The following SPMAP2 variants were observed in gnomAD, a reference collection of about 807,000 sequenced individuals.
The protein encoded by SPMAP2 is sperm microtubule associated protein 2, also known as Theg homolog.
chr19:364,501 C>T, the SPMAP2 span, among the ~76,000 whole-genome samples: 2 of 151,362 alleles, frequency 1.3e-5, no homozygotes, highest in East Asian at 1.9e-4. Flanking sequence ...AGCAACACAG[C>T]GAGACCCCAT....
At chr19:365,034 T>C in the SPMAP2 span, among the ~76,000 whole-genome samples, 89,403 of 152,080 alleles carry the variant, frequency 0.59, 26,817 homozygotes, top group African/African-American at 0.67. Context: ...GGGAAAAGAG[T>C]GTGGAGTCTC....
the SPMAP2 span, among the ~76,000 whole-genome samples, chr19:364,843 C>T: frequency 2.0e-4 from 30 of 152,082 alleles, no homozygotes; most frequent in Non-Finnish European, 4.0e-4. Flanking sequence ...AGGTGGCCAC[C>T]GAGTCTGGCA....
the SPMAP2 span, chr19:374,492 G>C: frequency 0.49 from 775,983 of 1,598,078 alleles, 191,089 homozygotes; most frequent in East Asian, 0.74. Flanking sequence ...CCAGAGAAGC[G>C]TGGGTCTTGC....
At chr19:374,071 C>T in the SPMAP2 span, 3 of 1,566,092 alleles carry the variant, frequency 1.9e-6, no homozygotes, top group South Asian at 3.4e-5. Flanking sequence ...CGTTTGCTCC[C>T]AAACTCCTCA....
At chr19:365,116 A>G in the SPMAP2 span, among the ~76,000 whole-genome samples, 1 of 152,232 alleles carries the variant, frequency 6.6e-6, no homozygotes, top group Non-Finnish European at 1.5e-5. Context: ...CTGCAGATAC[A>G]GCACTGCCTT....
chr19:374,291 G>A, the SPMAP2 span: 2,203 of 1,613,930 alleles, frequency 1.4e-3, 20 homozygotes, highest in African/African-American at 0.022. Flanking sequence ...GGTCTGGCGT[G>A]TCCTCACCTG....
chr19:372,383 C>T, the SPMAP2 span, among the ~76,000 whole-genome samples: 5 of 152,258 alleles, frequency 3.3e-5, no homozygotes, highest in African/African-American at 2.4e-5. Flanking sequence ...TCCCCGTTCA[C>T]GGGTGCCCTC....
the SPMAP2 span, among the ~76,000 whole-genome samples, chr19:364,129 C>G: frequency 1.1e-3 from 165 of 150,512 alleles, 3 homozygotes; most frequent in East Asian, 0.025. Context: ...GTCAGGAGAT[C>G]GAGACCATCC....
At chr19:367,022 G>A in the SPMAP2 span, 23 of 1,605,876 alleles carry the variant, frequency 1.4e-5, no homozygotes, top group South Asian at 2.2e-4. Context: ...CTTGGGATCT[G>A]AACAGGACAT....
At chr19:363,496 TTTTTA>T in the SPMAP2 span, among the ~76,000 whole-genome samples, 855 of 150,880 alleles carry the variant, frequency 5.7e-3, 6 homozygotes, top group African/African-American at 0.018. Context: ...CCTGGCCTAT[TTTTTA>T]TTTTATTTCA....
chr19:369,705 G>A, the SPMAP2 span, among the ~76,000 whole-genome samples: 1 of 152,230 alleles, frequency 6.6e-6, no homozygotes, highest in African/African-American at 2.4e-5. Flanking sequence ...AGTCAGCAAA[G>A]GGTGGTGGAT....
chr19:365,858 T>G, the SPMAP2 span, among the ~76,000 whole-genome samples: 1 of 152,136 alleles, frequency 6.6e-6, no homozygotes, highest in African/African-American at 2.4e-5. Flanking sequence ...AAAATGCTGC[T>G]TCCTGGCCAG....
chr19:363,392 CA>C, the SPMAP2 span, among the ~76,000 whole-genome samples: 346 of 152,226 alleles, frequency 2.3e-3, 1 homozygote, highest in Middle Eastern at 0.01. Context: ...GGGGTTTCAC[CA>C]TGTTGGCCAG....
the SPMAP2 span, among the ~76,000 whole-genome samples, chr19:367,705 C>T: frequency 3.9e-5 from 6 of 152,128 alleles, no homozygotes; most frequent in Middle Eastern, 3.4e-3. Flanking sequence ...CTGCCACATA[C>T]GGGGACTCCT....
At chr19:366,295 T>C in the SPMAP2 span, among the ~76,000 whole-genome samples, 3 of 152,152 alleles carry the variant, frequency 2.0e-5, no homozygotes, top group Non-Finnish European at 4.4e-5. Context: ...TATCCATGCA[T>C]GTGTGTACCA....
the SPMAP2 span, among the ~76,000 whole-genome samples, chr19:366,558 G>A: frequency 6.6e-4 from 101 of 152,288 alleles, no homozygotes; most frequent in African/African-American, 2.3e-3. Context: ...TAAAAGACAA[G>A]ACAGAGACTT....
the SPMAP2 span, among the ~76,000 whole-genome samples, chr19:368,051 G>T: frequency 6.6e-6 from 1 of 152,100 alleles, no homozygotes; most frequent in Non-Finnish European, 1.5e-5. This position sits in a 1 kb window ranked among gnomAD's most constrained non-coding sequence, Gnocchi z 4.1. Context: ...CCAGAAACTT[G>T]GCACCCTTGC....
the SPMAP2 span, chr19:375,596 T>TC: frequency 2.1e-6 from 3 of 1,424,246 alleles, no homozygotes; most frequent in South Asian, 1.5e-5. Flanking sequence ...GCTGCTGCCC[T>TC]CCCCCCACTG....
At chr19:374,590 G>A in the SPMAP2 span, 1 of 888,090 alleles carries the variant, frequency 1.1e-6, no homozygotes, top group Non-Finnish European at 1.7e-6. Context: ...GCACCACGAA[G>A]GCCTGGACCA....
Sources: allele counts gnomAD v4.1 joint callset (sites outside exome capture counted in the v4.1 genomes callset), GRCh38; gene constraint gnomAD v4.1.1; non-coding constraint Gnocchi (gnomAD v3.1); transcripts MANE v1.5; gene names NCBI Gene and HGNC (gene_info 2026-07-23, HGNC 2026-07-21).